LILRB1: variants seen among roughly 807,000 people sequenced by gnomAD.
LILRB1 encodes leukocyte immunoglobulin-like receptor subfamily B member 1.
LILRB1 carries 59 observed loss-of-function variants against 74.6 expected under a neutral mutation model. The ratio of observed to expected loss-of-function variants is 0.79; its 90% CI spans 0.64 to 0.98. The LOEUF is 0.98. Among genes scored for constraint, LILRB1 ranks in the 50% least tolerant of loss-of-function variants. The pLI, the probability that LILRB1 is intolerant of heterozygous loss-of-function variation, is 0.00. For synonymous variants in LILRB1, 328 were observed against 333.9 expected (o/e 0.98, Z 0.19); for missense variants, 804 against 822.6 (o/e 0.98, Z 0.28).
Position 54,637,777 on chromosome 19 carries a change from T to A in LILRB1, c.*899T>A, listed in dbSNP as rs527363400. Among the ~76,000 whole-genome samples the A allele has an allele frequency of 9.9e-4, 151 of 151,944 alleles. No individual in the cohort carries two copies. The highest frequency in any genetic ancestry group is 3.4e-3 in the Middle Eastern group (1 of 294). On this transcript the variant is annotated 3_prime_UTR_variant, in exon 15 of 15. Coordinates refer to ENST00000324602, the MANE Select transcript of LILRB1 (RefSeq NM_001081637.3). The stretch of plus-strand genomic sequence containing the variant: ...GCAGGCATGCATTTCCATATGGGAG[T>A]GAGCCAGCAGACAGCCCTACAGATC...
chr19:54,632,508 G>A lies in LILRB1; in HGVS notation c.706G>A (p.Val236Met), dbSNP rs185055407. 2.3e-5 allele frequency: 37 copies of A among 1,613,918 alleles called. No homozygotes were observed. Among genetic ancestry groups the A allele is most frequent in the Admixed American group, 1.3e-4 (8 of 60,018 alleles). ...PSLSVQPGPIVAPEETLTLQC... is the reference protein window; with the variant it reads ...PSLSVQPGPIMAPEETLTLQC... ...ACTCTCAGTGCAGCCAGGTCCTATC[G>A]TGGCCCCTGAGGAGACCCTGACTCT... The change falls in exon 6 of 15, where the codon GTG becomes ATG. Residue 236 changes from valine (V) to methionine (M), a missense_variant. By Grantham distance (21) the Val-to-Met change is conservative. Coordinates refer to ENST00000324602, the MANE Select transcript of LILRB1 (RefSeq NM_001081637.3).
At chr19:54,621,702 C>T (rs1428835100) in intron 1 of LILRB1, among the ~76,000 whole-genome samples, 1 of 152,034 alleles carries the variant, frequency 6.6e-6, no homozygotes. Flanking sequence ...AATCATGTCT[C>T]ATTTGTCTAT....
intron 1 of LILRB1, among the ~76,000 whole-genome samples, chr19:54,620,708 A>C (rs1349157555): frequency 1.3e-5 from 2 of 152,164 alleles, no homozygotes; most frequent in African/African-American, 4.8e-5. Context: ...GAAGCAGTGA[A>C]TATGCTTTGT....
At position 54,635,314 on chromosome 19, in the gene LILRB1, G is replaced by T. The variant is rs759172826; in HGVS notation, c.1600+18G>T. The T allele has an allele frequency of 4.3e-6, 7 of 1,613,122 alleles. 1 individual carries two copies. The South Asian group carries it at 6.6e-5, about 15-fold the overall frequency. ...AAACCTCTGTGAGTGAGAGGAAGAG[G>T]TGACCAGCCAGGAGGGAGATGGGGG... On this transcript the variant is annotated intron_variant, in intron 12 of 14. Transcript: ENST00000324602.
Position 54,632,088 on chromosome 19 carries a change from A to G in LILRB1, c.512A>G (p.Gln171Arg), listed in dbSNP as rs779965443. The part of the protein sequence containing the change: ...EDEHPQCLNS[Q>R]PHARGSSRAI... ...GAACACCCACAATGCCTGAACTCCC[A>G]GCCCCATGCCCGTGGGTCGTCCCGC... The change falls in exon 5 of 15, where the codon CAG (glutamine) becomes CGG (arginine). Residue 171 changes from glutamine (Q) to arginine (R), a missense_variant. Gln to Arg is a conservative substitution (Grantham distance 43). Coordinates refer to ENST00000324602, the MANE Select transcript of LILRB1 (RefSeq NM_001081637.3). 2.5e-6 allele frequency: 4 copies of G among 1,614,148 alleles called. No individual in the cohort carries two copies. Among genetic ancestry groups the G allele is most frequent in the African/African-American group, 1.3e-5 (1 of 74,956 alleles).
chr19:54,618,518 C>G (rs1478093427), intron 1 of LILRB1, among the ~76,000 whole-genome samples: 1 of 152,152 alleles, frequency 6.6e-6, no homozygotes, highest in Non-Finnish European at 1.5e-5. Flanking sequence ...GGTTATAAAA[C>G]TATAAACCTG....
intron 1 of LILRB1, among the ~76,000 whole-genome samples, chr19:54,623,387 A>G (rs74368210): frequency 0.033 from 5,038 of 152,240 alleles, 106 homozygotes; most frequent in South Asian, 0.054. Context: ...GTGCGATCTT[A>G]GGAAGTTGTA....
In LILRB1 at chr19:54,636,148, G is replaced by A. The variant is rs1414334591; in HGVS notation, c.1654-346G>A. ...GGGGCCAGTCTGAATGGAAGGGGAG[G>A]GCTGTCTGCTCAGCTGTCATCTGAG... On this transcript the variant is annotated intron_variant, in intron 13 of 14. Coordinates refer to ENST00000324602, the MANE Select transcript of LILRB1 (RefSeq NM_001081637.3). 19 of 572,748 alleles carry A rather than the reference G, an allele frequency of 3.3e-5. No individual in the cohort carries two copies. The East Asian group carries it at 3.7e-4, about 11-fold the overall frequency. 35.5% of individuals were successfully genotyped at this position (572,748 alleles called of 1,614,324 possible). A position where few individuals can be genotyped will look rare whatever the true frequency, so the allele number is the denominator to read the frequency against.
chr19:54,635,944 A>T, intron 13 of LILRB1: 1 of 587,122 alleles, frequency 1.7e-6, no homozygotes, highest in Non-Finnish European at 3.3e-6. Context: ...GTTCCCAGGG[A>T]GCTCACTGTG....
In LILRB1 at chr19:54,635,368, G is replaced by A. The variant is rs1337758972; in HGVS notation, c.1600+72G>A. On this transcript the variant is annotated intron_variant, in intron 12 of 14. Coordinates refer to ENST00000324602, the MANE Select transcript of LILRB1 (RefSeq NM_001081637.3). Reference sequence around the variant, plus strand: ...CGAAGTTTCCGTAGCAATGGGGAAAGGGGCGCTGGCTGGAAAGGGTCTGGG... The same window carrying A: ...CGAAGTTTCCGTAGCAATGGGGAAAAGGGCGCTGGCTGGAAAGGGTCTGGG... 9 of 1,590,470 alleles carry A rather than the reference G, an allele frequency of 5.7e-6. 1 individual carries two copies. In the African/African-American group the frequency reaches 6.7e-5, roughly 12 times the overall value.
chr19:54,631,510 C>G lies in LILRB1; in HGVS notation c.81C>G (p.Pro27=), dbSNP rs2063840677. 5 of 1,611,246 alleles carry G rather than the reference C, an allele frequency of 3.1e-6. No homozygotes were observed. The highest frequency in any genetic ancestry group is 3.4e-6 in the Non-Finnish European group (4 of 1,178,370). Residue 27 remains proline, a synonymous_variant, in exon 4 of 15, where the codon CCC becomes CCG. Transcript: ENST00000324602. Reference sequence around the variant, plus strand: ...CTGATTTCCTTCCAGGGCACCTCCCCAAGCCCACCCTCTGGGCTGAACCAG... The same window carrying G: ...CTGATTTCCTTCCAGGGCACCTCCCGAAGCCCACCCTCTGGGCTGAACCAG... ...PRTHVQAGHL[P]KPTLWAEPGS...
intron 10 of LILRB1, 165 bp from the exon 11 acceptor site, chr19:54,634,939 C>A: frequency 6.9e-7 from 1 of 1,440,358 alleles, no homozygotes. Flanking sequence ...GGGCTCAGTG[C>A]CATCTACAAA....
In LILRB1 at chr19:54,633,857, A is replaced by G. The variant is rs1240078763; in HGVS notation, c.1313-114A>G. ...CCAGGGCTCTGAGGCTGGGCTGGTG[A>G]GGGGTGGGGGGTCAAGGCAGAGAGA... On this transcript the variant is annotated intron_variant, in intron 8 of 14. Coordinates refer to ENST00000324602, the MANE Select transcript of LILRB1 (RefSeq NM_001081637.3). The G allele has an allele frequency of 3.7e-5, 55 of 1,470,852 alleles. 1 individual carries two copies. The highest frequency in any genetic ancestry group is 5.0e-5 in the Non-Finnish European group (54 of 1,089,934). 91.1% of individuals were successfully genotyped at this position (1,470,852 alleles called of 1,614,324 possible).
upstream of LILRB1, among the ~76,000 whole-genome samples, chr19:54,628,497 A>C (rs1247815239): frequency 6.6e-6 from 1 of 152,012 alleles, no homozygotes; most frequent in Non-Finnish European, 1.5e-5. Flanking sequence ...CCCTATGACC[A>C]CCTCTTTGGG....
rs747735393 is a variant in LILRB1, at chr19:54,631,797, C to T, written c.358+10C>T. The T allele has an allele frequency of 5.0e-6, 8 of 1,613,718 alleles. No homozygotes were observed. Among genetic ancestry groups the T allele is most frequent in the Middle Eastern group, 3.3e-4 (2 of 6,060 alleles). On this transcript the variant is annotated intron_variant, in intron 4 of 14. Transcript: ENST00000324602. ...GAGCTGGTGGTGACAGGTGAGCTGACACTCAGGGGTCCCAGCCCCAGACTC... is the reference window on the plus strand; with the variant it reads ...GAGCTGGTGGTGACAGGTGAGCTGATACTCAGGGGTCCCAGCCCCAGACTC...
chr19:54,635,251 T>C lies in LILRB1; in HGVS notation c.1563-8T>C. ...ACACTGCCCCTAAAGCTCCCATTCT[T>C]CCCCCAGGTCCAGCCCAGCTGCCGA... On this transcript the variant is annotated splice_polypyrimidine_tract_variant and splice_region_variant and intron_variant, in intron 11 of 14. Transcript: ENST00000324602. 1 of 1,611,816 alleles carries C rather than the reference T, an allele frequency of 6.2e-7. No individual in the cohort carries two copies. Among genetic ancestry groups the C allele is most frequent in the Non-Finnish European group, 8.5e-7 (1 of 1,178,230 alleles).
Position 54,633,085 on chromosome 19 carries a change from C to T in LILRB1, c.1028C>T (p.Thr343Ile), listed in dbSNP as rs771508284. 1.2e-6 allele frequency: 2 copies of T among 1,614,240 alleles called. No individual in the cohort carries two copies. ...GPTVASGENV[T>I]LLCQSQGWMQ... ...ACGGTGGCCTCAGGAGAGAACGTGA[C>T]CCTGCTGTGTCAGTCACAGGGATGG... The change falls in exon 7 of 15, where the codon ACC becomes ATC. Residue 343 changes from threonine to isoleucine, a missense_variant. By Grantham distance (89) the Thr-to-Ile change is moderately conservative (BLOSUM62 -1). Coordinates refer to ENST00000324602, the MANE Select transcript of LILRB1 (RefSeq NM_001081637.3).
chr19:54,629,458 G>A (rs2063696253), upstream of LILRB1, among the ~76,000 whole-genome samples: 1 of 152,222 alleles, frequency 6.6e-6, no homozygotes, highest in African/African-American at 2.4e-5. Context: ...TCCACAAGGA[G>A]ACACTGGGCA....
rs561805224 is a variant in LILRB1 at position 54,637,733 on chromosome 19, T to A, written c.*855T>A. Reference sequence around the variant, plus strand: ...TCACACTCATGAATTCTAACTACAATGAAAAAGAGAAAGAAAGAGCAGGCA... The same window carrying A: ...TCACACTCATGAATTCTAACTACAAAGAAAAAGAGAAAGAAAGAGCAGGCA... On this transcript the variant is annotated 3_prime_UTR_variant, in exon 15 of 15. Transcript: ENST00000324602. Among the ~76,000 whole-genome samples, 1 of 151,922 alleles carries A rather than the reference T, an allele frequency of 6.6e-6. No individual in the cohort carries two copies. Among genetic ancestry groups the A allele is most frequent in the South Asian group, 2.1e-4 (1 of 4,816 alleles).
Sources: gnomAD v4.1 joint callset for allele counts (sites outside exome capture counted in the v4.1 genomes callset) on GRCh38, gnomAD v4.1.1 for gene constraint, MANE v1.5 for transcripts, NCBI Gene and HGNC (gene_info 2026-07-23, HGNC 2026-07-21) for gene names.